The following FGF13 variants were observed in gnomAD, a reference collection of about 807,000 sequenced individuals.
FGF13 encodes the protein fibroblast growth factor 13.
In FGF13, 2 loss-of-function variants were observed where a neutral mutation model predicts 19.5. The observed-to-expected ratio is 0.10, with a 90% CI of 0.04 to 0.32. FGF13 has a LOEUF of 0.32. Ranked by LOEUF, FGF13 falls within the 10% of genes least tolerant of loss-of-function variation. The pLI is 1.00. For synonymous variants in FGF13, 72 were observed against 76.9 expected (o/e 0.94, Z 0.33); for missense variants, 113 against 192.7 (o/e 0.59, Z 2.45).
At chrX:138,772,507 C>T (rs1414087511) in intron 3 of FGF13, among the ~76,000 whole-genome samples, 2 of 111,082 alleles carry the variant, frequency 1.8e-5, no homozygotes, top group African/African-American at 6.5e-5. Flanking sequence ...TGCCATTTGT[C>T]TTCATTCCTT....
At chrX:138,862,770 A>C (rs1044487769) in intron 2 of FGF13, among the ~76,000 whole-genome samples, 4 of 112,280 alleles carry the variant, frequency 3.6e-5, no homozygotes, top group African/African-American at 9.7e-5. Flanking sequence ...GAACAGATCA[A>C]TGCTAATGGT....
chrX:138,942,805 T>C (rs1452096480), intron 1 of FGF13, among the ~76,000 whole-genome samples: 3 of 111,790 alleles, frequency 2.7e-5, no homozygotes, highest in Non-Finnish European at 5.6e-5. Context: ...GAAATTCTCA[T>C]TATGCCGACT....
At chrX:138,694,540 T>C (rs1374350016) in intron 3 of FGF13, among the ~76,000 whole-genome samples, 18 of 104,272 alleles carry the variant, frequency 1.7e-4, no homozygotes, top group African/African-American at 6.3e-4. Flanking sequence ...AAGCTCCGCC[T>C]CCTGGGTTCA....
intron 1 of FGF13, among the ~76,000 whole-genome samples, chrX:139,092,988 C>T (rs766590540): frequency 1.3e-3 from 138 of 110,371 alleles, no homozygotes; most frequent in Non-Finnish European, 2.0e-3. Flanking sequence ...GTCTGTTTAA[C>T]AACTTTCACA....
upstream of FGF13, chrX:139,203,968 G>C: frequency 6.1e-6 from 6 of 979,502 alleles, no homozygotes; most frequent in South Asian, 2.0e-5. Context: ...CTCCGGGAAG[G>C]AGGCAAGGAG....
At chrX:138,749,619 A>G (rs2090383130) in intron 3 of FGF13, among the ~76,000 whole-genome samples, 1 of 111,509 alleles carries the variant, frequency 9.0e-6, no homozygotes. Flanking sequence ...TCACAAGTAC[A>G]AAGACATACA....
At chrX:138,761,635 TG>T (rs1363214637) in intron 3 of FGF13, among the ~76,000 whole-genome samples, 1 of 111,756 alleles carries the variant, frequency 8.9e-6, no homozygotes, top group Non-Finnish European at 1.9e-5. Flanking sequence ...TCCAGCACAG[TG>T]CCGGTTTAAC....
Position 138,889,824 on chromosome X carries a change from C to T in FGF13, c.-112-25174G>A, listed in dbSNP as rs749705925. On this transcript the variant is annotated intron_variant, in intron 1 of 2. Coordinates refer to the FGF13 transcript ENST00000421460. ...CAATAAGCACTACTGAGCCAGAAAT[C>T]GGGCTTTCGGAGCTCAGAATGGAGA... Among the ~76,000 whole-genome samples the T allele has an allele frequency of 3.6e-5, 4 of 111,676 alleles. No individual in the cohort carries two copies. The South Asian group carries it at 1.5e-3, about 43-fold the overall frequency.
At chrX:138,717,782 T>G (rs1347470369) in intron 1 of FGF13, among the ~76,000 whole-genome samples, 2 of 111,517 alleles carry the variant, frequency 1.8e-5, no homozygotes, top group Admixed American at 9.5e-5. Context: ...TTTAACTATT[T>G]TTTTTTTCTA....
intron 3 of FGF13, among the ~76,000 whole-genome samples, chrX:138,693,340 CT>C (rs1213995670): frequency 1.8e-5 from 2 of 111,786 alleles, no homozygotes; most frequent in Non-Finnish European, 3.8e-5. Flanking sequence ...AGACTTTCAT[CT>C]TAATAACACC....
At chrX:139,149,767 C>T (rs756602251) in intron 1 of FGF13, among the ~76,000 whole-genome samples, 22 of 111,806 alleles carry the variant, frequency 2.0e-4, no homozygotes, top group African/African-American at 7.2e-4. Flanking sequence ...CTTGGACAGT[C>T]CATTAAGACA....
chrX:138,881,551 T>C (rs2091424774), intron 1 of FGF13, among the ~76,000 whole-genome samples: 1 of 111,639 alleles, frequency 9.0e-6, no homozygotes, highest in Non-Finnish European at 1.9e-5. Context: ...GGACTCTTTA[T>C]TGGGTAGTTT....
At chrX:138,834,694 A>C (rs1257505123) in intron 3 of FGF13, among the ~76,000 whole-genome samples, 1 of 108,889 alleles carries the variant, frequency 9.2e-6, no homozygotes, top group African/African-American at 3.3e-5. Context: ...CTTGTCTTCT[A>C]CTAGCTTCTG....
chrX:138,747,017 C>G (rs2090361223), intron 3 of FGF13, among the ~76,000 whole-genome samples: 1 of 111,461 alleles, frequency 9.0e-6, no homozygotes, highest in African/African-American at 3.3e-5. Flanking sequence ...CTCTAAGCTC[C>G]CTGATAGAGT....
chrX:139,141,189 T>C (rs1018969461), intron 1 of FGF13, among the ~76,000 whole-genome samples: 1 of 110,238 alleles, frequency 9.1e-6, no homozygotes, highest in African/African-American at 3.3e-5. Context: ...TTCATAGCAC[T>C]CCTCACCATG....
chrX:138,779,630 A>G (rs1200023599), intron 3 of FGF13, among the ~76,000 whole-genome samples: 15 of 111,284 alleles, frequency 1.3e-4, no homozygotes, highest in Admixed American at 9.6e-4. Context: ...AATAAAAAGA[A>G]ACAAACAAAG....
chrX:138,702,214 G>T (rs2089953792), intron 3 of FGF13, among the ~76,000 whole-genome samples: 2 of 111,058 alleles, frequency 1.8e-5, no homozygotes, highest in South Asian at 7.4e-4. Flanking sequence ...AATTAATTAA[G>T]TTAAAATAAA....
intron 1 of FGF13, among the ~76,000 whole-genome samples, chrX:139,077,057 C>T (rs1307842791): frequency 1.5e-4 from 17 of 111,758 alleles, no homozygotes; most frequent in Admixed American, 1.4e-3. Context: ...TGTATCACTG[C>T]ACCTGCACTG....
chrX:139,039,948 A>C (rs1458118849), intron 1 of FGF13, among the ~76,000 whole-genome samples: 2 of 111,915 alleles, frequency 1.8e-5, no homozygotes, highest in Non-Finnish European at 3.8e-5. Context: ...CGTTTTGAAA[A>C]GGTTGTATAC....
Sources: allele counts gnomAD v4.1 joint callset (sites outside exome capture counted in the v4.1 genomes callset), GRCh38; gene constraint gnomAD v4.1.1; transcripts MANE v1.5; gene names NCBI Gene and HGNC (gene_info 2026-07-23, HGNC 2026-07-21).